The following ITSN1 variants were observed in gnomAD, a reference collection of about 807,000 sequenced individuals.
ITSN1 encodes the protein intersectin-1.
ITSN1 carries 58 observed loss-of-function variants against 239.8 expected under a neutral mutation model. The ratio of observed to expected loss-of-function variants is 0.24; its 90% CI spans 0.20 to 0.30. ITSN1 has a LOEUF of 0.30. ITSN1 is among the 10% of genes least tolerant of loss of function. ITSN1 has a pLI of 1.00. For missense variants in ITSN1, 1,558 were observed against 2,103.3 expected (o/e 0.74, Z 5.07); for synonymous variants, 780 against 770.8 (o/e 1.01, Z -0.20).
At position 33,789,656 on chromosome 21, in the gene ITSN1, G is replaced by A. The variant is rs919636642; in HGVS notation, c.1825-4685G>A. ...AAGGAATCCTATATATTGTTCAGGC[G>A]CATGCTACTTTATATTTCAAGTAAT... On this transcript the variant is annotated intron_variant, in intron 16 of 39. Transcript: ENST00000381318. Among the ~76,000 whole-genome samples, 9 of 152,174 alleles carry A rather than the reference G, an allele frequency of 5.9e-5. No homozygotes were observed. In the South Asian group the frequency reaches 1.2e-3, roughly 21 times the overall value.
intron 16 of ITSN1, among the ~76,000 whole-genome samples, chr21:33,789,494 AC>A (rs929411123): frequency 2.0e-4 from 30 of 152,314 alleles, no homozygotes; most frequent in African/African-American, 7.0e-4. Context: ...CCTGAGGCGA[AC>A]CAAAAGCAAA....
intron 29 of ITSN1, chr21:33,837,051 T>A: frequency 6.2e-7 from 1 of 1,609,478 alleles, no homozygotes; most frequent in Non-Finnish European, 8.5e-7. Context: ...CTATCCCATA[T>A]CACTGCCCAG....
chr21:33,800,239 A>G (rs1222056645), intron 19 of ITSN1, among the ~76,000 whole-genome samples: 1 of 151,948 alleles, frequency 6.6e-6, no homozygotes, highest in African/African-American at 2.4e-5. Flanking sequence ...GTATACATAT[A>G]TATGTAATAC....
At chr21:33,732,969 A>T (rs2066280117) in intron 4 of ITSN1, among the ~76,000 whole-genome samples, 1 of 152,200 alleles carries the variant, frequency 6.6e-6, no homozygotes, top group African/African-American at 2.4e-5. Flanking sequence ...TGGTTGGGTA[A>T]ACTATTGGTG....
At position 33,829,882 on chromosome 21, in the gene ITSN1, A is replaced by C. The variant is rs539311891; in HGVS notation, c.3351+137A>C. 143 of 964,570 alleles carry C rather than the reference A, an allele frequency of 1.5e-4. No homozygotes were observed. In the African/African-American group the frequency reaches 2.1e-3, roughly 14 times the overall value. The allele number at this position is 964,570 out of a possible 1,614,324, so 59.8% of individuals were successfully genotyped here. On this transcript the variant is annotated intron_variant, in intron 27 of 39. Transcript: ENST00000381318. ...CTGTATTTGGATAGTGAGAGATGCC[A>C]AATTTTCTGTGTTTGTTTGGTTCCT...
chr21:33,661,770 T>C (rs916055650), intron 1 of ITSN1, among the ~76,000 whole-genome samples: 20 of 152,176 alleles, frequency 1.3e-4, no homozygotes, highest in Non-Finnish European at 2.4e-4. Flanking sequence ...GATGGTTTTC[T>C]AAGGGGTTTC....
intron 34 of ITSN1, among the ~76,000 whole-genome samples, chr21:33,877,972 GTCTC>G (rs1984237417): frequency 6.8e-6 from 1 of 146,776 alleles, no homozygotes; most frequent in Non-Finnish European, 1.5e-5. Context: ...AGCAACAGAA[GTCTC>G]TCTCTGTCTC....
chr21:33,754,558 T>C (rs1186775318), intron 7 of ITSN1, among the ~76,000 whole-genome samples: 3 of 152,200 alleles, frequency 2.0e-5, no homozygotes, highest in African/African-American at 7.2e-5. Flanking sequence ...CAGTGTGATA[T>C]TTGTGTGGAC....
intron 29 of ITSN1, among the ~76,000 whole-genome samples, chr21:33,853,701 A>G (rs902973364): frequency 2.6e-5 from 4 of 152,092 alleles, no homozygotes; most frequent in East Asian, 1.9e-4. Flanking sequence ...GTGCTCGTCT[A>G]TTGGCATTTG....
rs1458379927 is a variant in ITSN1 at position 33,797,338 on chromosome 21, A to T, written c.1953-41A>T. On this transcript the variant is annotated intron_variant, in intron 17 of 39. Transcript: ENST00000381318. The surrounding 1 kb of genome is among the most constrained non-coding windows in gnomAD (Gnocchi z 4.9). ...AAAGAGGCAACAGTAGTGTTAACTT[A>T]GAGTTGCTTTCTTGCTGTAATCAAG... 6.4e-7 allele frequency: 1 copy of T among 1,560,256 alleles called. No individual in the cohort carries two copies. Among genetic ancestry groups the T allele is most frequent in the South Asian group, 1.1e-5 (1 of 89,732 alleles).
intron 19 of ITSN1, among the ~76,000 whole-genome samples, chr21:33,800,631 C>G (rs961698065): frequency 2.0e-5 from 3 of 151,998 alleles, no homozygotes; most frequent in Admixed American, 1.3e-4. Context: ...AACTAATAAT[C>G]ATTTTATGAT....
chr21:33,850,122 T>C (rs2148457974), intron 29 of ITSN1, among the ~76,000 whole-genome samples: 1 of 152,326 alleles, frequency 6.6e-6, no homozygotes, highest in South Asian at 2.1e-4. Context: ...TAAGAGATGA[T>C]TTATCCCTGA....
chr21:33,852,958 A>G (rs1313916806), intron 29 of ITSN1, among the ~76,000 whole-genome samples: 1 of 152,200 alleles, frequency 6.6e-6, no homozygotes, highest in African/African-American at 2.4e-5. Context: ...TGGAGTTTTT[A>G]AACTCACTTG....
intron 1 of ITSN1, among the ~76,000 whole-genome samples, chr21:33,655,656 C>T (rs903334209): frequency 1.4e-5 from 2 of 145,874 alleles, no homozygotes; most frequent in African/African-American, 2.6e-5. Context: ...TGGTCTTGAA[C>T]GCCTGACCCA....
chr21:33,819,718 C>G (rs1391910365), intron 24 of ITSN1, among the ~76,000 whole-genome samples: 3 of 151,640 alleles, frequency 2.0e-5, no homozygotes, highest in Admixed American at 6.6e-5. Context: ...CGCGGTGGCT[C>G]ACGCCTGTAA....
rs180730335 is a variant in ITSN1 at position 33,797,399 on chromosome 21, A to G, written c.1973A>G (p.Lys658Arg). Residue 658 changes from lysine (K) to arginine (R), a missense_variant, in exon 18 of 40, where the codon AAG becomes AGG. Around this residue, in one of 2 missense-constraint regions of ITSN1, gnomAD observed 982 missense variants for 1,209.9 expected, o/e 0.81. Transcript: ENST00000381318. This position sits in a 1 kb window ranked among gnomAD's most constrained non-coding sequence, Gnocchi z 4.9. Reference protein sequence around the residue: ...EAQRRAQERDKQWLEHVQQED... With the variant: ...EAQRRAQERDRQWLEHVQQED... ...GGCAGACGAGCTCAGGAAAGGGACA[A>G]GCAGTGGCTGGAGCATGTGCAGCAG... The G allele has an allele frequency of 3.1e-6, 5 of 1,613,986 alleles. No homozygotes were observed. In the African/African-American group the frequency reaches 5.3e-5, roughly 17 times the overall value.
In ITSN1 at chr21:33,775,059, C is replaced by A. The variant is rs1247155458; in HGVS notation, c.1547C>A (p.Ser516Tyr). Residue 516 changes from serine (S) to tyrosine (Y), a missense_variant, in exon 14 of 40, where the codon TCT becomes TAT. Physicochemically the swap from Ser to Tyr is moderately radical, Grantham distance 144. Around this residue, in one of 2 missense-constraint regions of ITSN1, gnomAD observed 982 missense variants for 1,209.9 expected, o/e 0.81. Transcript: ENST00000381318. ...QRQEIESTNK[S>Y]RELRIAEITH... ...CAAGAAATTGAGAGCACAAACAAAT[C>A]TAGAGAGTTGAGAATTGCCGAAATC... The A allele has an allele frequency of 6.2e-7, 1 of 1,613,932 alleles. No homozygotes were observed. The highest frequency in any genetic ancestry group is 8.5e-7 in the Non-Finnish European group (1 of 1,179,980).
chr21:33,802,795 T>G (rs1317041433), intron 20 of ITSN1, among the ~76,000 whole-genome samples: 2 of 152,250 alleles, frequency 1.3e-5, no homozygotes, highest in African/African-American at 2.4e-5. Context: ...TTAAGCAGAC[T>G]ATTGGAATAA....
chr21:33,844,870 C>T (rs1368586673), intron 29 of ITSN1, among the ~76,000 whole-genome samples: 1 of 152,122 alleles, frequency 6.6e-6, no homozygotes, highest in East Asian at 1.9e-4. Flanking sequence ...ATTCCTCCCT[C>T]CATCCCATTC....
Sources: gnomAD v4.1 joint callset for allele counts (sites outside exome capture counted in the v4.1 genomes callset) on GRCh38, gnomAD v4.1.1 for gene constraint, gnomAD v4.1.1 regional missense constraint, Gnocchi (gnomAD v3.1) non-coding constraint, MANE v1.5 for transcripts, NCBI Gene and HGNC (gene_info 2026-07-23, HGNC 2026-07-21) for gene names.